The following KAZN variants were observed in gnomAD, a reference collection of about 807,000 sequenced individuals.
KAZN encodes the protein kazrin, periplakin interacting protein.
Under a neutral mutation model 87.4 loss-of-function variants are expected in KAZN, and 40 were observed. The observed-to-expected ratio is 0.46, with a 90% CI of 0.36 to 0.60. The LOEUF is 0.60. Among genes scored for constraint, KAZN ranks in the 20% least tolerant of loss-of-function variants. The pLI is 0.00. For missense variants in KAZN, 898 were observed against 1,073.9 expected (o/e 0.84, Z 2.29); for synonymous variants, 466 against 458.3 (o/e 1.02, Z -0.22).
intron 2 of KAZN, among the ~76,000 whole-genome samples, chr1:14,297,614 C>G (rs1210519677): frequency 6.6e-6 from 1 of 152,012 alleles, no homozygotes; most frequent in Non-Finnish European, 1.5e-5. Context: ...GATGGATGGG[C>G]ACTGTTCTCT....
intron 1 of KAZN, among the ~76,000 whole-genome samples, chr1:13,966,279 G>A (rs755672404): frequency 6.6e-6 from 1 of 152,162 alleles, no homozygotes. Flanking sequence ...CAGCAATAGC[G>A]ATAGGAGGCA....
At chr1:14,966,672 C>T (rs1241292904) in intron 2 of KAZN, among the ~76,000 whole-genome samples, 1 of 152,010 alleles carries the variant, frequency 6.6e-6, no homozygotes, top group Non-Finnish European at 1.5e-5. Context: ...ATTTTACCCA[C>T]GTTTTTTTTT....
At chr1:14,633,704 G>T (rs1013100696) in intron 1 of KAZN, among the ~76,000 whole-genome samples, 1 of 152,042 alleles carries the variant, frequency 6.6e-6, no homozygotes, top group South Asian at 2.1e-4. Context: ...CACAGTCCTC[G>T]ACTCTCAGAC....
chr1:14,612,343 T>G (rs557954621), intron 1 of KAZN, among the ~76,000 whole-genome samples: 1 of 152,298 alleles, frequency 6.6e-6, no homozygotes, highest in Admixed American at 6.5e-5. Context: ...CTTGCCTTCA[T>G]CACTGACTTC....
At chr1:14,179,470 G>A (rs1350358135) in intron 1 of KAZN, among the ~76,000 whole-genome samples, 3 of 152,220 alleles carry the variant, frequency 2.0e-5, no homozygotes, top group African/African-American at 7.2e-5. Flanking sequence ...TTTACAGCAA[G>A]AGGATAATCT....
intron 2 of KAZN, among the ~76,000 whole-genome samples, chr1:14,206,274 T>G (rs534140672): frequency 1.3e-5 from 2 of 152,324 alleles, no homozygotes; most frequent in East Asian, 3.9e-4. Flanking sequence ...TTCTGATTTT[T>G]TAAAAAAGAA....
chr1:14,814,431 G>T (rs1464332616), intron 1 of KAZN, among the ~76,000 whole-genome samples: 1 of 152,106 alleles, frequency 6.6e-6, no homozygotes, highest in Non-Finnish European at 1.5e-5. Context: ...GGCCAGGCTG[G>T]TCTCAAACCC....
At chr1:14,160,295 A>C (rs1645682397) in intron 1 of KAZN, among the ~76,000 whole-genome samples, 1 of 152,152 alleles carries the variant, frequency 6.6e-6, no homozygotes, top group Non-Finnish European at 1.5e-5. Flanking sequence ...ATGTTCCCTC[A>C]GTGGGCAGGC....
intron 1 of KAZN, among the ~76,000 whole-genome samples, chr1:14,666,484 C>T (rs1016185020): frequency 6.6e-6 from 1 of 152,108 alleles, no homozygotes; most frequent in African/African-American, 2.4e-5. Flanking sequence ...TATTCATTTC[C>T]TGTGGCTGCC....
intron 1 of KAZN, among the ~76,000 whole-genome samples, chr1:13,948,512 G>A (rs917692331): frequency 6.6e-6 from 1 of 152,088 alleles, no homozygotes; most frequent in African/African-American, 2.4e-5. Context: ...CCTCTTTTCG[G>A]TGTAAATTAC....
At chr1:14,704,684 TC>T (rs749498187) in intron 1 of KAZN, among the ~76,000 whole-genome samples, 1 of 152,146 alleles carries the variant, frequency 6.6e-6, no homozygotes, top group Non-Finnish European at 1.5e-5. Context: ...TTCCATTTAC[TC>T]CTCCCAGATC....
intron 1 of KAZN, among the ~76,000 whole-genome samples, chr1:14,088,010 T>A (rs1211060832): frequency 6.6e-6 from 1 of 150,548 alleles, no homozygotes; most frequent in Non-Finnish European, 1.5e-5. Flanking sequence ...TTTTTTTTTC[T>A]TGATGTATGA....
At chr1:13,929,500 G>A (rs1482098331) in intron 1 of KAZN, among the ~76,000 whole-genome samples, 2 of 152,096 alleles carry the variant, frequency 1.3e-5, no homozygotes, top group African/African-American at 4.8e-5. Flanking sequence ...CCTTCTTTAT[G>A]GGCAGAATGA....
intron 2 of KAZN, among the ~76,000 whole-genome samples, chr1:14,511,218 T>C (rs1330353597): frequency 6.6e-6 from 1 of 152,196 alleles, no homozygotes; most frequent in Non-Finnish European, 1.5e-5. Flanking sequence ...ATGTTTCCAT[T>C]TGTCAAGCCA....
chr1:13,981,825 C>G lies in KAZN; in HGVS notation c.91+88069C>G, dbSNP rs566266016. Reference sequence around the variant, plus strand: ...GATGACTGTGGATGCTTTTACAGACCCTAGAAGATGCTGTGATATGTTGTG... The same window carrying G: ...GATGACTGTGGATGCTTTTACAGACGCTAGAAGATGCTGTGATATGTTGTG... On this transcript the variant is annotated intron_variant, in intron 1 of 16. Transcript: ENST00000636203. 2.9e-4 allele frequency among the ~76,000 whole-genome samples: 44 copies of G among 152,184 alleles called. 1 individual carries two copies. Among genetic ancestry groups the G allele is most frequent in the Middle Eastern group, 6.8e-3 (2 of 294 alleles).
rs373955166 is a variant in KAZN at position 14,328,132 on chromosome 1, T to C, written c.249+147540T>C. Among the ~76,000 whole-genome samples, 78 of 152,322 alleles carry C rather than the reference T, an allele frequency of 5.1e-4. 1 individual carries two copies. The highest frequency in any genetic ancestry group is 1.6e-3 in the Admixed American group (24 of 15,298). ...TATTTCCTCCCCAATGGAGTAATAA[T>C]TTAAGCCTCCAGCAAAGGCCATACT... On this transcript the variant is annotated intron_variant, in intron 2 of 16. Transcript: ENST00000636203.
intron 2 of KAZN, among the ~76,000 whole-genome samples, chr1:14,549,926 C>G (rs1269121836): frequency 6.6e-6 from 1 of 152,110 alleles, no homozygotes; most frequent in Admixed American, 6.5e-5. Context: ...TACTTTTTTG[C>G]AAGTTCAGTG....
chr1:13,916,951 G>A (rs1639876141), intron 1 of KAZN, among the ~76,000 whole-genome samples: 2 of 152,152 alleles, frequency 1.3e-5, no homozygotes, highest in African/African-American at 2.4e-5. Flanking sequence ...AGGCTGGCAT[G>A]CTCCCTGGGT....
intron 1 of KAZN, among the ~76,000 whole-genome samples, chr1:14,930,811 T>G (rs1659727193): frequency 7.0e-6 from 1 of 142,380 alleles, no homozygotes; most frequent in Non-Finnish European, 1.5e-5. Context: ...CCTGGCACCT[T>G]CGGCTCACTG....
Sources: allele counts gnomAD v4.1 joint callset (sites outside exome capture counted in the v4.1 genomes callset), GRCh38; gene constraint gnomAD v4.1.1; transcripts MANE v1.5; gene names NCBI Gene and HGNC (gene_info 2026-07-23, HGNC 2026-07-21).